PGGT1B: variants seen among roughly 807,000 people sequenced by gnomAD.
PGGT1B encodes the protein geranylgeranyl transferase type-1 subunit beta.
PGGT1B carries 30 observed loss-of-function variants against 46.1 expected under a neutral mutation model. The observed-to-expected ratio is 0.65, with a 90% CI of 0.49 to 0.88. The LOEUF (loss-of-function observed/expected upper bound fraction) is 0.88, where lower values mean the gene tolerates loss of function less well. Among genes scored for constraint, PGGT1B ranks in the 40% least tolerant of loss-of-function variants. PGGT1B has a pLI of 0.00. For synonymous variants in PGGT1B, 170 were observed against 160.0 expected, an observed-to-expected ratio of 1.06 and a Z score of -0.47; for missense variants, 376 against 455.9, an observed-to-expected ratio of 0.82 and a Z score of 1.60.
chr5:115,239,176 G>A (rs1031896698), intron 3 of PGGT1B, among the ~76,000 whole-genome samples: 11 of 151,960 alleles, frequency 7.2e-5, no homozygotes, highest in Non-Finnish European at 1.5e-4. Flanking sequence ...CCAGGTAGCC[G>A]AGACTACAGG....
intron 2 of PGGT1B, among the ~76,000 whole-genome samples, chr5:115,248,327 C>T (rs922454113): frequency 6.6e-6 from 1 of 152,190 alleles, no homozygotes; most frequent in African/African-American, 2.4e-5. Flanking sequence ...GACTAGAAAA[C>T]TGCATTCTAA....
chr5:115,254,291 A>AT (rs571972670), intron 1 of PGGT1B, among the ~76,000 whole-genome samples: 31 of 151,346 alleles, frequency 2.0e-4, no homozygotes, highest in Non-Finnish European at 3.1e-4. Context: ...CAGATTTCAG[A>AT]TTTTTTTTTG....
At chr5:115,231,392 A>G (rs1756979618) in intron 5 of PGGT1B, among the ~76,000 whole-genome samples, 1 of 152,030 alleles carries the variant, frequency 6.6e-6, no homozygotes, top group Admixed American at 6.6e-5. Flanking sequence ...AACATTATAA[A>G]CATGAAACAA....
At chr5:115,226,705 C>T (rs991647399) in intron 6 of PGGT1B, among the ~76,000 whole-genome samples, 2 of 151,838 alleles carry the variant, frequency 1.3e-5, no homozygotes, top group African/African-American at 4.8e-5. Context: ...GTACATTGTA[C>T]AAGGGCATAT....
intron 1 of PGGT1B, among the ~76,000 whole-genome samples, chr5:115,257,485 G>A (rs1303737634): frequency 1.4e-5 from 2 of 138,910 alleles, no homozygotes; most frequent in African/African-American, 5.5e-5. Flanking sequence ...AGCCGAGATC[G>A]TGCCATTGCA....
intron 2 of PGGT1B, among the ~76,000 whole-genome samples, chr5:115,243,672 T>A (rs1032272836): frequency 6.6e-6 from 1 of 152,152 alleles, no homozygotes; most frequent in South Asian, 2.1e-4. Context: ...ACAGGCATCA[T>A]CAGGCTAAAG....
chr5:115,218,491 CA>C (rs11345719), intron 7 of PGGT1B, among the ~76,000 whole-genome samples: 55,264 of 112,620 alleles, frequency 0.49, 11,342 homozygotes, highest in Non-Finnish European at 0.52. Flanking sequence ...CAATGATTCT[CA>C]AAAAAAAAAA....
chr5:115,242,093 G>T (rs540565334), intron 2 of PGGT1B, among the ~76,000 whole-genome samples: 13 of 152,310 alleles, frequency 8.5e-5, no homozygotes, highest in African/African-American at 3.1e-4. Context: ...AAGCTGAAGA[G>T]AAAATATGTA....
chr5:115,259,343 T>TA (rs955207599), intron 1 of PGGT1B, among the ~76,000 whole-genome samples: 9 of 152,108 alleles, frequency 5.9e-5, no homozygotes, highest in Non-Finnish European at 1.2e-4. Flanking sequence ...AGCCATTACT[T>TA]AGAGTCTCCC....
Position 115,231,030 on chromosome 5 carries a change from G to C in PGGT1B, c.613-9C>G, listed in dbSNP as rs767310830. The C allele has an allele frequency of 1.3e-6, 2 of 1,487,124 alleles. No homozygotes were observed. Among genetic ancestry groups the C allele is most frequent in the Non-Finnish European group, 9.2e-7 (1 of 1,089,142 alleles). The allele number at this position is 1,487,124 out of a possible 1,614,324, so 92.1% of individuals were successfully genotyped here. On this transcript the variant is annotated splice_polypyrimidine_tract_variant and intron_variant, in intron 5 of 8. Coordinates refer to ENST00000419445, the MANE Select transcript of PGGT1B (RefSeq NM_005023.4). Reference sequence around the variant, plus strand: ...AGTCCATTGTCATAGGACTGAAAAAGAAAAACATTGTTCAGTTTAATAGGG... The same window carrying C: ...AGTCCATTGTCATAGGACTGAAAAACAAAAACATTGTTCAGTTTAATAGGG...
chr5:115,244,882 G>A (rs1363888448), intron 2 of PGGT1B, among the ~76,000 whole-genome samples: 2 of 152,062 alleles, frequency 1.3e-5, no homozygotes, highest in East Asian at 1.9e-4. Context: ...GGAGCCCACC[G>A]CACCCAGCCT....
intron 6 of PGGT1B, 89 bp from the exon 7 acceptor site, chr5:115,222,097 A>AT: frequency 1.5e-6 from 1 of 667,090 alleles, no homozygotes; most frequent in Non-Finnish European, 2.3e-6. Flanking sequence ...AAGTGGTTAT[A>AT]TAATTCTAGA....
chr5:115,218,250 G>C (rs1464169163), intron 7 of PGGT1B, among the ~76,000 whole-genome samples: 1 of 151,534 alleles, frequency 6.6e-6, no homozygotes, highest in South Asian at 2.1e-4. Flanking sequence ...ATGTCCACAA[G>C]AATTAAAACA....
chr5:115,215,578 G>A (rs1057499504), intron 8 of PGGT1B, among the ~76,000 whole-genome samples: 3 of 152,194 alleles, frequency 2.0e-5, no homozygotes, highest in Admixed American at 6.5e-5. Context: ...GATTACAGGC[G>A]TGAGCCAAAA....
chr5:115,250,706 A>G (rs1249827567), intron 2 of PGGT1B, among the ~76,000 whole-genome samples: 1 of 152,142 alleles, frequency 6.6e-6, no homozygotes, highest in East Asian at 1.9e-4. Flanking sequence ...AATAATTAAA[A>G]AGCTCCATGA....
rs1480044974 is a variant in PGGT1B, at chr5:115,209,383, T to C, written c.*3019A>G. 1 of 152,136 alleles carries C rather than the reference T, an allele frequency of 6.6e-6. No individual in the cohort carries two copies. Among genetic ancestry groups the C allele is most frequent in the African/African-American group, 2.4e-5 (1 of 41,452 alleles). The allele number at this position is 152,136 out of a possible 1,614,324, so 9.4% of individuals were successfully genotyped here. A position where few individuals can be genotyped will look rare whatever the true frequency, so the allele number is the denominator to read the frequency against. On this transcript the variant is annotated 3_prime_UTR_variant, in exon 9 of 9. Coordinates refer to ENST00000419445, the MANE Select transcript of PGGT1B (RefSeq NM_005023.4). ...TCTGCAAATGAGATTCTGTAGTCACTTCCCAGTTTCAGTGTCTGTTCTTAG... is the reference window on the plus strand; with the variant it reads ...TCTGCAAATGAGATTCTGTAGTCACCTCCCAGTTTCAGTGTCTGTTCTTAG...
chr5:115,248,715 A>C (rs1234999558), intron 2 of PGGT1B, among the ~76,000 whole-genome samples: 1 of 152,202 alleles, frequency 6.6e-6, no homozygotes, highest in Non-Finnish European at 1.5e-5. Context: ...TTAAACAGTA[A>C]AACAACATTG....
chr5:115,252,984 T>G, intron 2 of PGGT1B, 153 bp downstream of exon 2: 1 of 640,202 alleles, frequency 1.6e-6, no homozygotes, highest in Non-Finnish European at 2.6e-6. Context: ...TTAAGTACTG[T>G]ATTTCAACAG....
At chr5:115,245,408 G>A (rs1452626951) in intron 2 of PGGT1B, among the ~76,000 whole-genome samples, 26 of 152,178 alleles carry the variant, frequency 1.7e-4, no homozygotes, top group Non-Finnish European at 1.0e-4. Context: ...AGGAGATTAT[G>A]GCATGGACAC....
Sources: allele counts gnomAD v4.1 joint callset (sites outside exome capture counted in the v4.1 genomes callset), GRCh38; gene constraint gnomAD v4.1.1; transcripts MANE v1.5; gene names NCBI Gene and HGNC (gene_info 2026-07-23, HGNC 2026-07-21).